CIB4: variants seen among roughly 807,000 people sequenced by gnomAD.
CIB4 encodes the protein calcium and integrin binding family member 4.
In CIB4, 25 loss-of-function variants were observed where a neutral mutation model predicts 25.8. The observed-to-expected ratio is 0.97, with a 90% CI of 0.71 to 1.35. CIB4 has a LOEUF of 1.35. Among genes scored for constraint, CIB4 ranks in the 40% most tolerant of loss-of-function variants. CIB4 has a pLI of 0.00. For missense variants in CIB4, 235 were observed against 228.2 expected (o/e 1.03, Z -0.19); for synonymous variants, 75 against 81.4 (o/e 0.92, Z 0.42).
intron 4 of CIB4, among the ~76,000 whole-genome samples, chr2:26,589,093 T>TTCTTCTTCCTCTTCC (rs1553373224): frequency 4.3e-5 from 4 of 92,842 alleles, no homozygotes; most frequent in Admixed American, 1.0e-4. Context: ...CTTCTTCTTC[T>TTCTTCTTCCTCTTCC]TCTTCTTCTT....
Position 26,595,163 on chromosome 2 carries a change from C to G in CIB4, c.328+13G>C. On this transcript the variant is annotated intron_variant, in intron 4 of 6. Transcript: ENST00000288861. ...TTTCCACCCCTCACCCCTCAGTCCC[C>G]CACAGCACCTACCATAGATGCGAAA... 1.9e-6 allele frequency: 3 copies of G among 1,603,762 alleles called. No homozygotes were observed. The highest frequency in any genetic ancestry group is 2.6e-6 in the Non-Finnish European group (3 of 1,171,388).
intron 3 of CIB4, among the ~76,000 whole-genome samples, chr2:26,622,061 A>C (rs1669213077): frequency 6.6e-6 from 1 of 152,224 alleles, no homozygotes; most frequent in South Asian, 2.1e-4. Context: ...ATGCAGTCAT[A>C]ATAATACAAA....
At chr2:26,595,987 C>T (rs548997112) in intron 3 of CIB4, among the ~76,000 whole-genome samples, 64 of 152,178 alleles carry the variant, frequency 4.2e-4, no homozygotes, top group Non-Finnish European at 7.5e-4. Flanking sequence ...GCTGGTAGCA[C>T]GAATAGTACC....
intron 3 of CIB4, among the ~76,000 whole-genome samples, chr2:26,616,872 AC>A (rs1218896150): frequency 2.0e-5 from 3 of 152,168 alleles, no homozygotes; most frequent in Admixed American, 2.0e-4. Context: ...AGAAGAGCAA[AC>A]AGAAGTCTTG....
intron 3 of CIB4, among the ~76,000 whole-genome samples, chr2:26,617,536 G>A (rs956147446): frequency 1.3e-5 from 2 of 152,188 alleles, no homozygotes; most frequent in African/African-American, 4.8e-5. Flanking sequence ...CTGTGAAAGT[G>A]CTTGCAACCA....
Position 26,588,494 on chromosome 2 carries a change from G to A in CIB4, c.329-4596C>T, listed in dbSNP as rs963339787. Among the ~76,000 whole-genome samples the A allele has an allele frequency of 1.2e-4, 19 of 152,318 alleles. No homozygotes were observed. The South Asian group carries it at 3.9e-3, about 32-fold the overall frequency. ...AACAATGCTAGGAGGGGCTCAGAGA[G>A]CTGGTGGAGTCAGGGCTCAGCCTTC... On this transcript the variant is annotated intron_variant, in intron 4 of 6. Coordinates refer to ENST00000288861, the MANE Select transcript of CIB4 (RefSeq NM_001029881.3).
rs1558554805 is a variant in CIB4 at position 26,589,054 on chromosome 2, TTCTTCC to T, written c.329-5162_329-5157del. On this transcript the variant is annotated intron_variant, in intron 4 of 6. Coordinates refer to ENST00000288861, the MANE Select transcript of CIB4 (RefSeq NM_001029881.3). ...CTTCTTCTTCTTCTTCTTCTTCTTC[TTCTTCC>T]TCTTCCTCTTCCTCTTCTTCTTCTT... Among the ~76,000 whole-genome samples, 171 of 39,942 alleles carry T rather than the reference TTCTTCC, an allele frequency of 4.3e-3. 1 individual carries two copies. Among genetic ancestry groups the T allele is most frequent in the South Asian group, 0.013 (11 of 818 alleles). The allele number at this position is 39,942 out of a possible 152,430, so 26.2% of individuals were successfully genotyped here. A position where few individuals can be genotyped will look rare whatever the true frequency, so the allele number is the denominator to read the frequency against.
At chr2:26,598,268 C>T (rs542704406) in intron 3 of CIB4, among the ~76,000 whole-genome samples, 34 of 151,566 alleles carry the variant, frequency 2.2e-4, no homozygotes, top group South Asian at 1.3e-3. Flanking sequence ...ACAGTGCACT[C>T]CAGCCTGGGT....
intron 2 of CIB4, among the ~76,000 whole-genome samples, chr2:26,637,585 C>A (rs1162939186): frequency 6.6e-6 from 1 of 152,094 alleles, no homozygotes; most frequent in African/African-American, 2.4e-5. Context: ...AAACAGAAAG[C>A]TCTTCCCCTC....
At position 26,639,664 on chromosome 2, in the gene CIB4, C is replaced by T. The variant is rs541458771; in HGVS notation, c.89+869G>A. Among the ~76,000 whole-genome samples, 4 of 152,168 alleles carry T rather than the reference C, an allele frequency of 2.6e-5. No individual in the cohort carries two copies. The East Asian group carries it at 7.7e-4, about 29-fold the overall frequency. On this transcript the variant is annotated intron_variant, in intron 2 of 6. Transcript: ENST00000288861. The stretch of plus-strand genomic sequence containing the variant: ...GGGTGACAGCCCCTGGTTAGCTCCC[C>T]GTGCCCTGGCCATCCCCCATCCTCA...
chr2:26,600,391 A>C (rs1462452146), intron 3 of CIB4, among the ~76,000 whole-genome samples: 1 of 152,210 alleles, frequency 6.6e-6, no homozygotes, highest in Non-Finnish European at 1.5e-5. Flanking sequence ...GTGACAGAGC[A>C]AGACTCTGAC....
intron 4 of CIB4, among the ~76,000 whole-genome samples, chr2:26,590,992 C>T (rs897320860): frequency 7.9e-5 from 12 of 152,318 alleles, no homozygotes; most frequent in East Asian, 5.8e-4. Flanking sequence ...CAGCTGAACA[C>T]GATTTAGCTT....
chr2:26,628,341 G>T lies in CIB4; in HGVS notation c.186+1069C>A, dbSNP rs188838024. ...AGCTCAGGCTAGCACTGCCTGTGGG[G>T]CCAGGAGTCTTAGAGTGCACATGGT... On this transcript the variant is annotated intron_variant, in intron 3 of 6. Coordinates refer to ENST00000288861, the MANE Select transcript of CIB4 (RefSeq NM_001029881.3). Among the ~76,000 whole-genome samples, 384 of 152,238 alleles carry T rather than the reference G, an allele frequency of 2.5e-3. 2 individuals carry two copies. The highest frequency in any genetic ancestry group is 4.6e-3 in the Non-Finnish European group (312 of 68,002).
In CIB4 at chr2:26,601,231, AATATATAT is replaced by A. The variant is rs1165155834; in HGVS notation, c.187-5922_187-5915del. Among the ~76,000 whole-genome samples the A allele has an allele frequency of 2.6e-3, 44 of 17,222 alleles. 1 individual carries two copies. Among genetic ancestry groups the A allele is most frequent in the South Asian group, 9.3e-3 (6 of 646 alleles). The allele number at this position is 17,222 out of a possible 152,430, so 11.3% of individuals were successfully genotyped here. On this transcript the variant is annotated intron_variant, in intron 3 of 6. Transcript: ENST00000288861. ...TGAGACCATGTCAAAAAAAAAAAAAAATATATATATATATATATATATATATATATATA... is the reference window on the plus strand; with the variant it reads ...TGAGACCATGTCAAAAAAAAAAAAAAATATATATATATATATATATATATA...
At chr2:26,615,823 CT>C (rs1299610150) in intron 3 of CIB4, among the ~76,000 whole-genome samples, 3 of 152,268 alleles carry the variant, frequency 2.0e-5, no homozygotes, top group Admixed American at 6.5e-5. Flanking sequence ...AAACAAACCA[CT>C]TCTTAATTCT....
intron 4 of CIB4, among the ~76,000 whole-genome samples, chr2:26,591,198 C>G (rs1459982763): frequency 6.6e-6 from 1 of 152,244 alleles, no homozygotes; most frequent in East Asian, 1.9e-4. Context: ...ATGCTTGTTT[C>G]ACAACTCTGC....
intron 3 of CIB4, among the ~76,000 whole-genome samples, chr2:26,606,724 G>A (rs1457626770): frequency 6.6e-6 from 1 of 152,104 alleles, no homozygotes; most frequent in Non-Finnish European, 1.5e-5. Flanking sequence ...TTCCTCTATT[G>A]TCCGGGGCCC....
rs545547409 is a variant in CIB4, at chr2:26,605,674, C to T, written c.187-10357G>A. The T allele has an allele frequency of 1.4e-4, 55 of 381,962 alleles. 2 individuals are homozygous for T. The highest frequency in any genetic ancestry group is 1.0e-3 in the South Asian group (53 of 51,070). 23.7% of individuals were successfully genotyped at this position (381,962 alleles called of 1,614,324 possible). A position where few individuals can be genotyped will look rare whatever the true frequency, so the allele number is the denominator to read the frequency against. ...GCATCATTCAGTCAGTTCACAGACC[C>T]AACAAGTGAGCACCTACTGTGTGCA... On this transcript the variant is annotated intron_variant, in intron 3 of 6. Coordinates refer to ENST00000288861, the MANE Select transcript of CIB4 (RefSeq NM_001029881.3).
At chr2:26,598,727 C>T (rs886782067) in intron 3 of CIB4, among the ~76,000 whole-genome samples, 1 of 152,166 alleles carries the variant, frequency 6.6e-6, no homozygotes, top group African/African-American at 2.4e-5. Flanking sequence ...TTCCTTCTCT[C>T]CCAGGGTCCC....
Sources: allele counts gnomAD v4.1 joint callset (sites outside exome capture counted in the v4.1 genomes callset), GRCh38; gene constraint gnomAD v4.1.1; transcripts MANE v1.5; gene names NCBI Gene and HGNC (gene_info 2026-07-23, HGNC 2026-07-21).